TLK1: variants seen among roughly 807,000 people sequenced by gnomAD.
TLK1 encodes the protein serine/threonine-protein kinase tousled-like 1.
A neutral mutation model predicts 105.3 loss-of-function variants in TLK1; 24 were observed. The observed-to-expected ratio is 0.23, with a 90% CI of 0.17 to 0.32. The LOEUF (loss-of-function observed/expected upper bound fraction) is 0.32. Ranked by LOEUF, TLK1 falls within the 10% of genes least tolerant of loss-of-function variation. The pLI, the probability that TLK1 is intolerant of heterozygous loss-of-function variation, is 1.00. For missense variants in TLK1, 558 were observed against 910.5 expected (o/e 0.61, Z 4.98); for synonymous variants, 321 against 310.4 (o/e 1.03, Z -0.36).
intron 1 of TLK1, among the ~76,000 whole-genome samples, chr2:171,123,151 CACTT>C (rs1387534193): frequency 6.6e-6 from 1 of 152,010 alleles, no homozygotes; most frequent in Non-Finnish European, 1.5e-5. Context: ...GATAGCACCT[CACTT>C]AATTGGGGTT....
intron 1 of TLK1, among the ~76,000 whole-genome samples, chr2:171,136,314 G>A (rs1191315773): frequency 6.6e-6 from 1 of 152,196 alleles, no homozygotes; most frequent in African/African-American, 2.4e-5. Flanking sequence ...TGGGGCCTAG[G>A]GGCAGAGGGG....
chr2:171,164,985 T>C (rs1261935804), upstream of TLK1, among the ~76,000 whole-genome samples: 1 of 152,038 alleles, frequency 6.6e-6, no homozygotes, highest in Non-Finnish European at 1.5e-5. Flanking sequence ...ATTAGATGGC[T>C]AGAGTGATAG....
At chr2:171,057,512 T>TC (rs1687559672) in intron 5 of TLK1, among the ~76,000 whole-genome samples, 1 of 152,188 alleles carries the variant, frequency 6.6e-6, no homozygotes, top group Admixed American at 6.5e-5. Flanking sequence ...ATCAGGTATC[T>TC]CATGGTCAGC....
intron 3 of TLK1, among the ~76,000 whole-genome samples, chr2:171,072,357 T>C (rs902477299): frequency 1.3e-5 from 2 of 152,222 alleles, no homozygotes; most frequent in Admixed American, 1.3e-4. Flanking sequence ...CTCACGCCCA[T>C]AATCTCAGCA....
At chr2:171,191,643 G>C (rs1458441044) in intron 1 of TLK1, among the ~76,000 whole-genome samples, 2 of 152,154 alleles carry the variant, frequency 1.3e-5, no homozygotes, top group Non-Finnish European at 2.9e-5. Flanking sequence ...GCCTTGGGAG[G>C]AAGCAAAGGG....
chr2:171,178,767 G>A (rs1333969800), intron 1 of TLK1, among the ~76,000 whole-genome samples: 2 of 152,136 alleles, frequency 1.3e-5, no homozygotes, highest in Non-Finnish European at 2.9e-5. Context: ...AGCAGTTATA[G>A]ACTTATTAAA....
chr2:171,159,183 C>T (rs1427986826), intron 1 of TLK1, among the ~76,000 whole-genome samples: 2 of 152,216 alleles, frequency 1.3e-5, no homozygotes, highest in Non-Finnish European at 2.9e-5. Flanking sequence ...ATTCACTAGA[C>T]GGTTGAACTT....
chr2:171,083,223 C>A (rs1688825310), intron 2 of TLK1, among the ~76,000 whole-genome samples: 1 of 152,144 alleles, frequency 6.6e-6, no homozygotes, highest in African/African-American at 2.4e-5. Flanking sequence ...ATTATTTGGG[C>A]TCTTCAGGTC....
intron 1 of TLK1, among the ~76,000 whole-genome samples, chr2:171,175,059 G>A (rs184120376): frequency 2.0e-5 from 3 of 152,068 alleles, no homozygotes; most frequent in Admixed American, 2.0e-4. Flanking sequence ...GCAAGGCCCC[G>A]TCTCTATACA....
chr2:170,994,061 T>C, intron 20 of TLK1, 105 bp from the exon 21 acceptor site: 2 of 1,232,680 alleles, frequency 1.6e-6, no homozygotes, highest in Admixed American at 3.1e-5. Context: ...CATAAGTAGA[T>C]CTCATTTTAT....
At chr2:171,086,721 AG>A (rs1421822405) in intron 2 of TLK1, among the ~76,000 whole-genome samples, 7 of 152,072 alleles carry the variant, frequency 4.6e-5, no homozygotes, top group Admixed American at 2.0e-4. Flanking sequence ...GCTTTTGCTG[AG>A]GGGAAGGTCC....
At chr2:171,100,426 C>A (rs780248090) in intron 2 of TLK1, among the ~76,000 whole-genome samples, 7 of 152,078 alleles carry the variant, frequency 4.6e-5, no homozygotes, top group Non-Finnish European at 1.0e-4. Flanking sequence ...AGCAAGAGCA[C>A]GTTGTTATAA....
intron 20 of TLK1, among the ~76,000 whole-genome samples, chr2:170,994,221 TTAC>T (rs1271561117): frequency 1.3e-5 from 2 of 152,214 alleles, no homozygotes; most frequent in African/African-American, 2.4e-5. Flanking sequence ...TTGTTTCTGC[TTAC>T]GAAATTCTGA....
At chr2:171,111,463 T>C (rs751147215) in intron 2 of TLK1, among the ~76,000 whole-genome samples, 4 of 151,946 alleles carry the variant, frequency 2.6e-5, no homozygotes, top group Non-Finnish European at 5.9e-5. Flanking sequence ...CAAGCGCCTA[T>C]AGTCCCAGCT....
At chr2:171,171,345 C>A (rs1469985413) in intron 1 of TLK1, among the ~76,000 whole-genome samples, 1 of 151,606 alleles carries the variant, frequency 6.6e-6, no homozygotes, top group Non-Finnish European at 1.5e-5. Flanking sequence ...CACAGTGAGA[C>A]CCTGTCTGGA....
At chr2:171,103,029 G>T (rs1165472888) in intron 2 of TLK1, among the ~76,000 whole-genome samples, 1 of 152,018 alleles carries the variant, frequency 6.6e-6, no homozygotes, top group East Asian at 1.9e-4. Context: ...CTTTGAAGAG[G>T]GGAAATTTGA....
At position 171,006,285 on chromosome 2, in the gene TLK1, A is replaced by G. The variant is rs1245829305; in HGVS notation, c.1769-3T>C. ...TCCATCTACCAGTAGGATGTTTCCT[A>G]AGAATAAAATATAAGATTCTTTTAA... On this transcript the variant is annotated splice_polypyrimidine_tract_variant and splice_region_variant and intron_variant, in intron 17 of 20. Coordinates refer to ENST00000431350, the MANE Select transcript of TLK1 (RefSeq NM_012290.5). 3 of 1,583,232 alleles carry G rather than the reference A, an allele frequency of 1.9e-6. No individual in the cohort carries two copies. The highest frequency in any genetic ancestry group is 2.6e-6 in the Non-Finnish European group (3 of 1,170,384).
At chr2:171,057,504 C>G (rs935008724) in intron 5 of TLK1, among the ~76,000 whole-genome samples, 3 of 152,002 alleles carry the variant, frequency 2.0e-5, no homozygotes, top group Non-Finnish European at 4.4e-5. Flanking sequence ...CAAAGAGCAT[C>G]AGGTATCTCA....
At position 171,131,196 on chromosome 2, in the gene TLK1, T is replaced by C. The variant is rs1691095343; in HGVS notation, c.140-13339A>G. Among the ~76,000 whole-genome samples, 3 of 152,206 alleles carry C rather than the reference T, an allele frequency of 2.0e-5. No homozygotes were observed. In the South Asian group the frequency reaches 6.2e-4, roughly 32 times the overall value. ...ATGTAAATCAAATTTGAATGAAGGATGAAAAAGTACTATTTTTAACAGGTT... is the reference window on the plus strand; with the variant it reads ...ATGTAAATCAAATTTGAATGAAGGACGAAAAAGTACTATTTTTAACAGGTT... On this transcript the variant is annotated intron_variant, in intron 1 of 20. Coordinates refer to ENST00000431350, the MANE Select transcript of TLK1 (RefSeq NM_012290.5).
Sources: allele counts gnomAD v4.1 joint callset (sites outside exome capture counted in the v4.1 genomes callset), GRCh38; gene constraint gnomAD v4.1.1; transcripts MANE v1.5; gene names NCBI Gene and HGNC (gene_info 2026-07-23, HGNC 2026-07-21).